Variants in GARIN1A observed in about 807,000 individuals in gnomAD.
GARIN1A encodes the protein Golgi-associated RAB2 interactor protein 1A.
chr7:128,691,377 A>C, the GARIN1A span: 1 of 152,244 alleles, frequency 6.6e-6, no homozygotes, highest in East Asian at 1.9e-4. Context: ...GGGTCAGGAC[A>C]ACTATTTCCT....
the GARIN1A span, among the ~76,000 whole-genome samples, chr7:128,676,548 T>A: frequency 6.6e-6 from 1 of 152,062 alleles, no homozygotes; most frequent in East Asian, 1.9e-4. Flanking sequence ...TATGAGTGAA[T>A]TAAAATTCAC....
the GARIN1A span, among the ~76,000 whole-genome samples, chr7:128,703,547 T>G: frequency 6.6e-6 from 1 of 152,038 alleles, no homozygotes; most frequent in African/African-American, 2.4e-5. Flanking sequence ...TCCCAGCGCT[T>G]TGGGAGGCCA....
chr7:128,685,787 T>G, the GARIN1A span: 1 of 152,218 alleles, frequency 6.6e-6, no homozygotes, highest in African/African-American at 2.4e-5. Context: ...CTCTGAGAAG[T>G]GTCCCTCAGT....
At chr7:128,706,012 A>C in the GARIN1A span, among the ~76,000 whole-genome samples, 1 of 152,218 alleles carries the variant, frequency 6.6e-6, no homozygotes, top group Non-Finnish European at 1.5e-5. Context: ...GCATTCTACT[A>C]TAAGGAAGAG....
the GARIN1A span, among the ~76,000 whole-genome samples, chr7:128,701,563 A>G: frequency 6.6e-6 from 1 of 151,866 alleles, no homozygotes; most frequent in Admixed American, 6.6e-5. Context: ...GCTAATTCTG[A>G]TTGGCTATTT....
the GARIN1A span, chr7:128,675,731 C>T: frequency 9.9e-6 from 16 of 1,613,724 alleles, no homozygotes; most frequent in East Asian, 4.5e-5. Flanking sequence ...CCGTGATCCT[C>T]GGGGTCACCT....
the GARIN1A span, chr7:128,672,286 A>G: frequency 1.1e-6 from 1 of 883,646 alleles, no homozygotes. Context: ...CCGTAAGTAA[A>G]TGGGGAGGAA....
At chr7:128,689,378 A>T in the GARIN1A span, among the ~76,000 whole-genome samples, 1 of 145,240 alleles carries the variant, frequency 6.9e-6, no homozygotes, top group Non-Finnish European at 1.5e-5. Flanking sequence ...CCGGCCGCCC[A>T]TCGTCTGAGA....
the GARIN1A span, among the ~76,000 whole-genome samples, chr7:128,695,284 G>A: frequency 2.0e-5 from 3 of 152,246 alleles, no homozygotes; most frequent in South Asian, 2.1e-4. This position sits in a 1 kb window ranked among gnomAD's most constrained non-coding sequence, Gnocchi z 4.5. Flanking sequence ...CATGCTGTCC[G>A]GCTTTGGTTG....
chr7:128,687,383 A>C, the GARIN1A span: 7 of 151,760 alleles, frequency 4.6e-5, no homozygotes, highest in African/African-American at 1.7e-4. Flanking sequence ...GGGTTGGCTC[A>C]CAAAATCAAA....
At chr7:128,694,270 G>T in the GARIN1A span, among the ~76,000 whole-genome samples, 1 of 152,154 alleles carries the variant, frequency 6.6e-6, no homozygotes, top group African/African-American at 2.4e-5. Context: ...GGTGGCTCAC[G>T]CCTGTAATCC....
the GARIN1A span, chr7:128,676,000 G>C: frequency 1.6e-6 from 1 of 609,744 alleles, no homozygotes; most frequent in Non-Finnish European, 2.8e-6. Flanking sequence ...CATTTGTTTA[G>C]CAACGATTTA....
the GARIN1A span, chr7:128,691,077 A>T: frequency 2.0e-5 from 3 of 152,244 alleles, no homozygotes; most frequent in Non-Finnish European, 4.4e-5. Context: ...ATATAATTCA[A>T]GTATGTACTA....
At chr7:128,679,947 C>T in the GARIN1A span, 7 of 710,960 alleles carry the variant, frequency 9.8e-6, no homozygotes, top group Non-Finnish European at 1.6e-5. Flanking sequence ...TGTAATATCA[C>T]AAACCCCTTC....
chr7:128,680,128 A>G, the GARIN1A span: 1 of 1,568,154 alleles, frequency 6.4e-7, no homozygotes. Flanking sequence ...CTCTCAGGAA[A>G]GCCCCAGCTC....
At chr7:128,704,879 T>C in the GARIN1A span, among the ~76,000 whole-genome samples, 1 of 152,196 alleles carries the variant, frequency 6.6e-6, no homozygotes, top group Admixed American at 6.5e-5. Context: ...TCTTACACAA[T>C]ATGGGTTAGC....
At chr7:128,675,982 C>A in the GARIN1A span, 6 of 614,188 alleles carry the variant, frequency 9.8e-6, no homozygotes, top group Non-Finnish European at 1.7e-5. Flanking sequence ...CTGTAGAACT[C>A]ATTCATTCAT....
the GARIN1A span, among the ~76,000 whole-genome samples, chr7:128,673,944 G>A: frequency 5.8e-4 from 88 of 152,070 alleles, no homozygotes; most frequent in East Asian, 0.014. Context: ...GTCTCACTCC[G>A]TTGCCCTGGC....
the GARIN1A span, chr7:128,672,491 C>T: frequency 2.5e-6 from 4 of 1,609,390 alleles, no homozygotes; most frequent in East Asian, 4.5e-5. Flanking sequence ...TCAACTGATT[C>T]ATTCTCCAGA....
Sources: allele counts gnomAD v4.1 joint callset (sites outside exome capture counted in the v4.1 genomes callset), GRCh38; gene constraint gnomAD v4.1.1; non-coding constraint Gnocchi (gnomAD v3.1); transcripts MANE v1.5; gene names NCBI Gene and HGNC (gene_info 2026-07-23, HGNC 2026-07-21).